The following ETV1 variants were observed in gnomAD, a reference collection of about 807,000 sequenced individuals.
ETV1 encodes ETS variant transcription factor 1, also known as ETS translocation variant 1.
Under a neutral mutation model 62.3 loss-of-function variants are expected in ETV1, and 27 were observed. That is an observed-to-expected ratio of 0.43 (90% CI 0.32 to 0.60). ETV1 has a LOEUF of 0.60. Among genes scored for constraint, ETV1 ranks in the 20% least tolerant of loss-of-function variants. The pLI is 0.06. For missense variants in ETV1, 605 were observed against 605.8 expected (o/e 1.00, Z 0.01); for synonymous variants, 222 against 199.6 (o/e 1.11, Z -0.94).
Position 13,894,441 on chromosome 7 carries a change from T to C in ETV1, c.*1425A>G, listed in dbSNP as rs1781600570. 1 of 232,612 alleles carries C rather than the reference T, an allele frequency of 4.3e-6. No homozygotes were observed. The highest frequency in any genetic ancestry group is 8.5e-6 in the Non-Finnish European group (1 of 117,500). 14.4% of individuals were successfully genotyped at this position (232,612 alleles called of 1,614,324 possible). ...ATTTACAGAAGTGTCCAAAAAGAGA[T>C]GATGGATAATATCAGTGCCAGCACT... is the stretch of plus-strand genomic sequence containing the variant. On this transcript the variant is annotated 3_prime_UTR_variant, in exon 14 of 14. Coordinates refer to ENST00000430479, the MANE Select transcript of ETV1 (RefSeq NM_004956.5).
At chr7:13,980,714 T>C (rs1422499834) in intron 5 of ETV1, among the ~76,000 whole-genome samples, 1 of 152,062 alleles carries the variant, frequency 6.6e-6, no homozygotes, top group Non-Finnish European at 1.5e-5. Context: ...TCTCAGGATG[T>C]CGGCTTTAAA....
intron 10 of ETV1, among the ~76,000 whole-genome samples, chr7:13,910,221 A>T (rs1783421630): frequency 7.5e-6 from 1 of 132,494 alleles, no homozygotes; most frequent in South Asian, 2.5e-4. Flanking sequence ...GGAAAAAAAA[A>T]GTTTCCCTTT....
At chr7:13,917,178 T>G (rs1784267241) in intron 9 of ETV1, among the ~76,000 whole-genome samples, 1 of 152,140 alleles carries the variant, frequency 6.6e-6, no homozygotes, top group African/African-American at 2.4e-5. Flanking sequence ...TTATATGATC[T>G]ACTAGGCTCG....
chr7:13,892,064 G>A lies in ETV1; in HGVS notation c.*3802C>T. The A allele has an allele frequency of 4.3e-6, 1 of 232,144 alleles. No homozygotes were observed. The highest frequency in any genetic ancestry group is 8.5e-6 in the Non-Finnish European group (1 of 117,486). 14.4% of individuals were successfully genotyped at this position (232,144 alleles called of 1,614,324 possible). On this transcript the variant is annotated 3_prime_UTR_variant, in exon 14 of 14. Coordinates refer to ENST00000430479, the MANE Select transcript of ETV1 (RefSeq NM_004956.5). ...TTCTTTCCTGGTTATATAAAGATAA[G>A]TTGACTCATTTTGCAATTGTTCTTT...
intron 4 of ETV1, chr7:13,987,034 T>C (rs1313107887): frequency 2.4e-5 from 5 of 208,978 alleles, no homozygotes; most frequent in Non-Finnish European, 4.7e-5. Context: ...TTAAATATAT[T>C]TAACTCTTGC....
chr7:13,898,561 G>A (rs1037472361), intron 13 of ETV1, among the ~76,000 whole-genome samples: 7 of 152,060 alleles, frequency 4.6e-5, no homozygotes, highest in Middle Eastern at 3.4e-3. Context: ...TACTTCTTCC[G>A]TATTACTAAA....
intron 6 of ETV1, among the ~76,000 whole-genome samples, chr7:13,941,237 T>C (rs1787469295): frequency 6.6e-6 from 1 of 152,178 alleles, no homozygotes. Flanking sequence ...AAAAGACAAC[T>C]CTGCAATAAA....
intron 5 of ETV1, among the ~76,000 whole-genome samples, chr7:13,978,835 C>G (rs1157735823): frequency 6.6e-6 from 1 of 151,958 alleles, no homozygotes; most frequent in Non-Finnish European, 1.5e-5. Context: ...TTATGAAGAG[C>G]ATAAGAATCT....
chr7:13,982,650 G>A (rs375485945), intron 5 of ETV1, among the ~76,000 whole-genome samples: 3 of 151,906 alleles, frequency 2.0e-5, no homozygotes, highest in African/African-American at 7.2e-5. Flanking sequence ...TGAAATTATT[G>A]TTGTTCAATT....
At chr7:13,931,475 T>A in intron 9 of ETV1, 27 bp downstream of exon 9, 1 of 1,613,178 alleles carries the variant, frequency 6.2e-7, no homozygotes, top group Non-Finnish European at 8.5e-7. Flanking sequence ...GTGCCTTGAA[T>A]GTAATTTGCG....
chr7:13,954,172 A>G (rs1298027478), intron 6 of ETV1, among the ~76,000 whole-genome samples: 1 of 152,242 alleles, frequency 6.6e-6, no homozygotes, highest in Non-Finnish European at 1.5e-5. Flanking sequence ...CAATAAATGT[A>G]TTAACATGAA....
intron 9 of ETV1, among the ~76,000 whole-genome samples, chr7:13,928,816 G>T (rs376634365): frequency 3.9e-5 from 6 of 152,024 alleles, no homozygotes; most frequent in African/African-American, 1.4e-4. Flanking sequence ...AAATCAGCCG[G>T]GTGTGGTGGT....
At chr7:13,983,004 A>G (rs1415646813) in intron 5 of ETV1, among the ~76,000 whole-genome samples, 1 of 151,988 alleles carries the variant, frequency 6.6e-6, no homozygotes, top group Non-Finnish European at 1.5e-5. Context: ...AGTTGACCTG[A>G]CTGTTGTTTG....
chr7:13,906,686 T>A, intron 11 of ETV1, 87 bp from the exon 12 acceptor site: 3 of 1,004,280 alleles, frequency 3.0e-6, no homozygotes, highest in South Asian at 4.1e-5. Context: ...ACTAATATGG[T>A]TAAACCACAA....
rs76543211 is a variant in ETV1, at chr7:13,961,010, T to C, written c.235+16417A>G. 3.3e-3 allele frequency among the ~76,000 whole-genome samples: 502 copies of C among 152,054 alleles called. 12 individuals are homozygous for C. The East Asian group carries it at 0.068, about 21-fold the overall frequency. ...ATAACAATTTAAAAATAGCTGGGCA[T>C]GGTAGCGCACACCGGAGTCCCAGCT... On this transcript the variant is annotated intron_variant, in intron 6 of 13. Coordinates refer to ENST00000430479, the MANE Select transcript of ETV1 (RefSeq NM_004956.5).
intron 6 of ETV1, among the ~76,000 whole-genome samples, chr7:13,940,310 C>T (rs748618557): frequency 6.7e-6 from 1 of 148,360 alleles, no homozygotes; most frequent in Non-Finnish European, 1.5e-5. Flanking sequence ...TGCAGTGAGC[C>T]GAGATCATGC....
At chr7:13,918,183 T>A (rs116329519) in intron 9 of ETV1, among the ~76,000 whole-genome samples, 7,405 of 152,250 alleles carry the variant, frequency 0.049, 205 homozygotes, top group African/African-American at 0.086. Flanking sequence ...TCAGATAACT[T>A]TTTCTATTTG....
intron 9 of ETV1, among the ~76,000 whole-genome samples, chr7:13,919,567 C>CAT (rs752786447): frequency 1.8e-5 from 1 of 54,230 alleles, no homozygotes; most frequent in Non-Finnish European, 3.4e-5. Context: ...AGAAACCATA[C>CAT]ACACACACAC....
In ETV1 at chr7:13,950,124, T is replaced by C. The variant is rs17167686; in HGVS notation, c.236-10878A>G. ...AAGGTTTCAGGATTGAGCCAGTGTT[T>C]GTTTTAGCTTCGGAGACCTTTGTAC... On this transcript the variant is annotated intron_variant, in intron 6 of 13. Transcript: ENST00000430479. 2.9e-3 allele frequency among the ~76,000 whole-genome samples: 438 copies of C among 152,298 alleles called. 11 individuals are homozygous for C. The East Asian group carries it at 0.057, about 20-fold the overall frequency.
Sources: allele counts gnomAD v4.1 joint callset (sites outside exome capture counted in the v4.1 genomes callset), GRCh38; gene constraint gnomAD v4.1.1; transcripts MANE v1.5; gene names NCBI Gene and HGNC (gene_info 2026-07-23, HGNC 2026-07-21).